The following ANK3 variants were observed in gnomAD, a reference collection of about 807,000 sequenced individuals.
The protein encoded by ANK3 is ankyrin 3, also known as ankyrin-3.
ANK3 carries 57 observed loss-of-function variants against 370.9 expected under a neutral mutation model. The ratio of observed to expected loss-of-function variants is 0.15; its 90% CI spans 0.12 to 0.19. The LOEUF is 0.19. Ranked by LOEUF, ANK3 falls within the 10% of genes least tolerant of loss-of-function variation. ANK3 has a pLI of 1.00. For missense variants in ANK3, 4,439 were observed against 5,302.1 expected (o/e 0.84, Z 5.06); for synonymous variants, 1,929 against 1,946.3 (o/e 0.99, Z 0.23).
intron 2 of ANK3, among the ~76,000 whole-genome samples, chr10:60,613,014 A>G (rs1304301664): frequency 6.6e-6 from 1 of 152,214 alleles, no homozygotes; most frequent in South Asian, 2.1e-4. Flanking sequence ...AAAACAGAAC[A>G]AGAAAGTCCT....
chr10:60,422,207 T>C (rs2132953798), intron 2 of ANK3, among the ~76,000 whole-genome samples: 1 of 152,196 alleles, frequency 6.6e-6, no homozygotes, highest in African/African-American at 2.4e-5. Context: ...TAATTATCCT[T>C]GGCTAAGACT....
At chr10:60,325,666 T>A (rs1316048446) in intron 1 of ANK3, among the ~76,000 whole-genome samples, 1 of 152,210 alleles carries the variant, frequency 6.6e-6, no homozygotes, top group African/African-American at 2.4e-5. Flanking sequence ...TTGTGAATGC[T>A]TATACACTGT....
chr10:60,204,672 G>A (rs1030579648), intron 11 of ANK3, among the ~76,000 whole-genome samples: 5 of 152,092 alleles, frequency 3.3e-5, no homozygotes, highest in Admixed American at 3.3e-4. Flanking sequence ...TGAATGATCT[G>A]TGTATGGGCC....
Position 60,090,088 on chromosome 10 carries a change from C to T in ANK3, c.3329-1730G>A, listed in dbSNP as rs566214467. Among the ~76,000 whole-genome samples the T allele has an allele frequency of 1.3e-3, 204 of 151,952 alleles. 1 individual carries two copies. The highest frequency in any genetic ancestry group is 2.2e-3 in the Non-Finnish European group (148 of 67,962). ...CTGTAATCCCAGCACTTTGGGAGGCCGAGGCAGATTACGAGGTCAGGAGTT... is the reference window on the plus strand; with the variant it reads ...CTGTAATCCCAGCACTTTGGGAGGCTGAGGCAGATTACGAGGTCAGGAGTT... On this transcript the variant is annotated intron_variant, in intron 28 of 43. Coordinates refer to ENST00000280772, the MANE Select transcript of ANK3 (RefSeq NM_020987.5).
rs373931527 is a variant in ANK3, at chr10:60,519,958, C to G, written c.96+95228G>C. On this transcript the variant is annotated intron_variant, in intron 2 of 43. Coordinates refer to the ANK3 transcript ENST00000373827. ...TCATGAAGTGATCAGATATTATGCT[C>G]TGATCATGAGTTTCAATTTTAACAC... 7.9e-5 allele frequency among the ~76,000 whole-genome samples: 12 copies of G among 152,160 alleles called. No individual in the cohort carries two copies. The East Asian group carries it at 1.7e-3, about 22-fold the overall frequency.
At chr10:60,171,126 T>C (rs1344792585) in intron 21 of ANK3, among the ~76,000 whole-genome samples, 2 of 152,190 alleles carry the variant, frequency 1.3e-5, no homozygotes, top group Non-Finnish European at 2.9e-5. Context: ...ATGATAGATT[T>C]TAATATAATA....
chr10:60,673,045 TAA>T (rs11329845), intron 1 of ANK3, among the ~76,000 whole-genome samples: 6,262 of 146,958 alleles, frequency 0.043, 167 homozygotes, highest in South Asian at 0.082. Flanking sequence ...TAAAATTTGG[TAA>T]AAAAAAAAAA....
intron 18 of ANK3, 54 bp downstream of exon 18, chr10:60,181,275 T>C: frequency 7.1e-7 from 1 of 1,416,768 alleles, no homozygotes. Flanking sequence ...TCTTCCTTAC[T>C]GCAGTCACCA....
chr10:60,382,321 C>T (rs2061655444), intron 1 of ANK3, among the ~76,000 whole-genome samples: 1 of 152,116 alleles, frequency 6.6e-6, no homozygotes, highest in Non-Finnish European at 1.5e-5. Context: ...CTATATCCAG[C>T]AGATATGAAT....
chr10:60,526,239 T>C (rs1308059847), intron 2 of ANK3, among the ~76,000 whole-genome samples: 1 of 152,150 alleles, frequency 6.6e-6, no homozygotes, highest in Non-Finnish European at 1.5e-5. Context: ...GAAACTGTTA[T>C]TTTCCTCAGT....
chr10:60,234,344 C>T (rs1490170474), intron 8 of ANK3, among the ~76,000 whole-genome samples: 1 of 152,090 alleles, frequency 6.6e-6, no homozygotes, highest in Non-Finnish European at 1.5e-5. Context: ...ACATTTCTAC[C>T]AGCAGTGCAC....
chr10:60,297,651 T>C (rs1198664256), intron 1 of ANK3, among the ~76,000 whole-genome samples: 2 of 152,146 alleles, frequency 1.3e-5, no homozygotes, highest in Non-Finnish European at 2.9e-5. Flanking sequence ...AGAGAATGAC[T>C]TCGAAAAGAT....
In ANK3 at chr10:60,084,805, C is replaced by T; in HGVS notation, c.3871G>A (p.Val1291Ile). 1 of 1,558,224 alleles carries T rather than the reference C, an allele frequency of 6.4e-7. No homozygotes were observed. Among genetic ancestry groups the T allele is most frequent in the Non-Finnish European group, 8.7e-7 (1 of 1,154,534 alleles). The change falls in exon 32 of 44, where the codon GTT becomes ATT. Residue 1291 changes from valine (V) to isoleucine (I), a missense_variant. By Grantham distance (29) the Val-to-Ile change is conservative. This residue lies in a region of ANK3 where 702 missense variants were observed against 941.5 expected (regional missense o/e 0.75). Coordinates refer to ENST00000280772, the MANE Select transcript of ANK3 (RefSeq NM_020987.5). Reference sequence around the variant, plus strand: ...GTGGCTAACCCCACAGTTTCTAAAACTTGATGGCAGTCTGCAAGCCAAAAT... The same window carrying T: ...GTGGCTAACCCCACAGTTTCTAAAATTTGATGGCAGTCTGCAAGCCAAAAT... ...ARFWLADCHQ[V>I]LETVGLATQL...
At chr10:60,341,616 C>A (rs4336985) in intron 1 of ANK3, among the ~76,000 whole-genome samples, 104,218 of 151,260 alleles carry the variant, frequency 0.69, 37,359 homozygotes, top group South Asian at 0.91. Flanking sequence ...ACTTATGTGC[C>A]TGTCCATTTT....
chr10:60,631,951 G>T (rs74155630), intron 1 of ANK3, among the ~76,000 whole-genome samples: 1,582 of 152,048 alleles, frequency 0.01, 35 homozygotes, highest in African/African-American at 0.036. Context: ...ATGAACTAGG[G>T]GATTACAATT....
intron 7 of ANK3, among the ~76,000 whole-genome samples, chr10:60,238,434 G>T (rs956350535): frequency 2.0e-5 from 3 of 152,082 alleles, no homozygotes; most frequent in Non-Finnish European, 4.4e-5. Context: ...GCAGAGTTTG[G>T]CTGCTGTGGT....
intron 2 of ANK3, among the ~76,000 whole-genome samples, chr10:60,456,873 T>C (rs1222922622): frequency 6.6e-6 from 1 of 152,176 alleles, no homozygotes; most frequent in Non-Finnish European, 1.5e-5. Context: ...CTTAATTTAT[T>C]GTTTGACTGC....
chr10:60,680,191 A>T (rs58343817), intron 1 of ANK3, among the ~76,000 whole-genome samples: 1,751 of 151,954 alleles, frequency 0.012, 35 homozygotes, highest in African/African-American at 0.04. Flanking sequence ...AATAGATTTT[A>T]AAAAATATAA....
intron 42 of ANK3, chr10:60,053,557 C>CT (rs1283578471): frequency 3.4e-5 from 24 of 711,548 alleles, no homozygotes; most frequent in Non-Finnish European, 4.3e-5. Context: ...CTCAGGATTC[C>CT]TTTTAGTGAA....
Sources: allele counts gnomAD v4.1 joint callset (sites outside exome capture counted in the v4.1 genomes callset), GRCh38; gene constraint gnomAD v4.1.1; regional missense constraint gnomAD v4.1.1; transcripts MANE v1.5; gene names NCBI Gene and HGNC (gene_info 2026-07-23, HGNC 2026-07-21).